OR1I1: variants seen among roughly 807,000 people sequenced by gnomAD.
OR1I1 encodes the protein olfactory receptor family 1 subfamily I member 1.
For missense variants in OR1I1, 451 were observed against 443.6 expected (o/e 1.02, Z -0.15); for synonymous variants, 171 against 181.4 (o/e 0.94, Z 0.46).
rs1469750793 is a variant in OR1I1 at position 15,089,259 on chromosome 19, C to G, written c.*1126C>G. On this transcript the variant is annotated 3_prime_UTR_variant, in exon 2 of 2. Coordinates refer to ENST00000641398, the MANE Select transcript of OR1I1 (RefSeq NM_001004713.2). ...TTGAGACCTCCACTTGTAACTATGACTGTGGTTGGGGCTTACTTTCTCAAT... is the reference window on the plus strand; with the variant it reads ...TTGAGACCTCCACTTGTAACTATGAGTGTGGTTGGGGCTTACTTTCTCAAT... The G allele has an allele frequency of 6.6e-6, 1 of 152,132 alleles. No homozygotes were observed. Among genetic ancestry groups the G allele is most frequent in the Non-Finnish European group, 1.5e-5 (1 of 68,046 alleles). The allele number at this position is 152,132 out of a possible 1,614,324, so 9.4% of individuals were successfully genotyped here.
chr19:15,082,967 G>A (rs2046215227), intron 1 of OR1I1, among the ~76,000 whole-genome samples: 1 of 152,112 alleles, frequency 6.6e-6, no homozygotes, highest in East Asian at 1.9e-4. Flanking sequence ...ATACCACCAT[G>A]CCTGGCTAAT....
intron 1 of OR1I1, among the ~76,000 whole-genome samples, chr19:15,085,573 C>G (rs576753164): frequency 6.6e-6 from 1 of 152,184 alleles, no homozygotes; most frequent in Admixed American, 6.6e-5. Context: ...CTGAGTTTCT[C>G]TGGTATACAA....
chr19:15,087,298 T>A lies in OR1I1; in HGVS notation c.233T>A (p.Val78Asp), dbSNP rs2046233977. The A allele has an allele frequency of 6.2e-7, 1 of 1,613,956 alleles. No homozygotes were observed. Among genetic ancestry groups the A allele is most frequent in the African/African-American group, 1.3e-5 (1 of 74,872 alleles). The change falls in exon 2 of 2, where the codon GTC becomes GAC. Residue 78 changes from valine (V) to aspartate (D), a missense_variant. Physicochemically the swap from Val to Asp is radical, Grantham distance 152. Transcript: ENST00000641398. ...GACACCCTATTATCCTCCACCACCGTCCCCAAGATGCTAGCGAACATCCAG... is the reference window on the plus strand; with the variant it reads ...GACACCCTATTATCCTCCACCACCGACCCCAAGATGCTAGCGAACATCCAG... ...LVDTLLSSTT[V>D]PKMLANIQAQ...
At position 15,088,022 on chromosome 19, in the gene OR1I1, G is replaced by A; in HGVS notation, c.957G>A (p.Leu319=). 1 of 1,613,666 alleles carries A rather than the reference G, an allele frequency of 6.2e-7. No individual in the cohort carries two copies. Among genetic ancestry groups the A allele is most frequent in the Non-Finnish European group, 8.5e-7 (1 of 1,179,688 alleles). The change falls in exon 2 of 2, where the codon TTG becomes TTA. Residue 319 remains leucine, a synonymous_variant. Transcript: ENST00000641398. ...AVPCPRPEQL[L]DVYHVPGSLL... ...CCTGTCCTAGGCCAGAACAGTTATTGGATGTTTATCATGTTCCAGGATCAC... is the reference window on the plus strand; with the variant it reads ...CCTGTCCTAGGCCAGAACAGTTATTAGATGTTTATCATGTTCCAGGATCAC...
intron 1 of OR1I1, 96 bp downstream of exon 1, chr19:15,082,372 G>T (rs1162510792): frequency 6.6e-6 from 1 of 152,342 alleles, no homozygotes; most frequent in Non-Finnish European, 1.5e-5. Flanking sequence ...CCCTCCCCTT[G>T]GTGATGCCAT....
intron 1 of OR1I1, among the ~76,000 whole-genome samples, chr19:15,082,955 A>G (rs1202232957): frequency 6.6e-6 from 1 of 151,996 alleles, no homozygotes; most frequent in African/African-American, 2.4e-5. Context: ...GATAACAGAC[A>G]TATACCACCA....
rs1359974212 is a variant in OR1I1 at position 15,088,918 on chromosome 19, T to TTGA, written c.*787_*789dup. 1.4e-5 allele frequency: 2 copies of TTGA among 145,688 alleles called. No homozygotes were observed. The highest frequency in any genetic ancestry group is 3.0e-5 in the Non-Finnish European group (2 of 66,142). The allele number at this position is 145,688 out of a possible 1,614,324, so 9.0% of individuals were successfully genotyped here. A position where few individuals can be genotyped will look rare whatever the true frequency, so the allele number is the denominator to read the frequency against. On this transcript the variant is annotated 3_prime_UTR_variant, in exon 2 of 2. Coordinates refer to ENST00000641398, the MANE Select transcript of OR1I1 (RefSeq NM_001004713.2). ...TATCTATTGACAGACAGATAGATGA[T>TTGA]TGATTGATAGATAGATCATATAAGT... is the stretch of plus-strand genomic sequence containing the variant.
chr19:15,092,841 A>AT lies in OR1I1; in HGVS notation c.*4714dup, dbSNP rs1568323947. On this transcript the variant is annotated 3_prime_UTR_variant, in exon 2 of 2. Transcript: ENST00000641398. ...TGAGACCTCCCCCATCTCTACAAAA[A>AT]TTTTTTAATTAGCTGGGCATGGTGG... The AT allele has an allele frequency of 6.6e-6, 1 of 151,916 alleles. No homozygotes were observed. Among genetic ancestry groups the AT allele is most frequent in the Non-Finnish European group, 1.5e-5 (1 of 68,004 alleles). 9.4% of individuals were successfully genotyped at this position (151,916 alleles called of 1,614,324 possible). A position where few individuals can be genotyped will look rare whatever the true frequency, so the allele number is the denominator to read the frequency against.
intron 1 of OR1I1, among the ~76,000 whole-genome samples, chr19:15,085,281 C>G (rs1260866482): frequency 6.6e-6 from 1 of 150,732 alleles, no homozygotes; most frequent in Non-Finnish European, 1.5e-5. Context: ...AGCGATTCTC[C>G]TGCCTCAGCC....
rs1295680555 is a variant in OR1I1, at chr19:15,087,180, A to T, written c.115A>T (p.Ile39Phe). 3.1e-6 allele frequency: 5 copies of T among 1,613,942 alleles called. No homozygotes were observed. In the Admixed American group the frequency reaches 5.0e-5, roughly 16 times the overall value. ...GTTCCTCTCCACATACCTGGTCACC[A>T]TCATTGGAAATGCCCTCATTATCCT... ...TMFLSTYLVT[I>F]IGNALIILAI... Residue 39 changes from isoleucine to phenylalanine, a missense_variant, in exon 2 of 2, where the codon ATC becomes TTC. Ile to Phe is a conservative substitution (Grantham distance 21). Transcript: ENST00000641398.
Position 15,088,566 on chromosome 19 carries a change from A to G in OR1I1, c.*433A>G. On this transcript the variant is annotated 3_prime_UTR_variant, in exon 2 of 2. Coordinates refer to ENST00000641398, the MANE Select transcript of OR1I1 (RefSeq NM_001004713.2). ...AGCTAATCAGGAGGCTGAGGCAGGCAGATCATTTGAGCCCAGGAGTTCAAG... is the reference window on the plus strand; with the variant it reads ...AGCTAATCAGGAGGCTGAGGCAGGCGGATCATTTGAGCCCAGGAGTTCAAG... 5.5e-6 allele frequency: 1 copy of G among 182,022 alleles called. No individual in the cohort carries two copies. The highest frequency in any genetic ancestry group is 1.1e-5 in the Non-Finnish European group (1 of 87,468). 11.3% of individuals were successfully genotyped at this position (182,022 alleles called of 1,614,324 possible).
At chr19:15,083,473 C>A (rs1345753026) in intron 1 of OR1I1, among the ~76,000 whole-genome samples, 1 of 152,180 alleles carries the variant, frequency 6.6e-6, no homozygotes, top group Non-Finnish European at 1.5e-5. Flanking sequence ...CTATGCAACC[C>A]AAGTCAACAA....
rs1599311458 is a variant in OR1I1, at chr19:15,088,278, C to T, written c.*145C>T. 7.2e-6 allele frequency: 7 copies of T among 966,854 alleles called. No homozygotes were observed. The highest frequency in any genetic ancestry group is 1.0e-5 in the Non-Finnish European group (7 of 674,528). 59.9% of individuals were successfully genotyped at this position (966,854 alleles called of 1,614,324 possible). A position where few individuals can be genotyped will look rare whatever the true frequency, so the allele number is the denominator to read the frequency against. ...AGGATCAAACTGGCCTGAAATTAGCCCTCCTGGAGGATCAGCCTTTTAGGA... is the reference window on the plus strand; with the variant it reads ...AGGATCAAACTGGCCTGAAATTAGCTCTCCTGGAGGATCAGCCTTTTAGGA... On this transcript the variant is annotated 3_prime_UTR_variant, in exon 2 of 2. Coordinates refer to ENST00000641398, the MANE Select transcript of OR1I1 (RefSeq NM_001004713.2).
In OR1I1 at chr19:15,087,227, C is replaced by T. The variant is rs1435331961; in HGVS notation, c.162C>T (p.His54=). 1 of 1,614,122 alleles carries T rather than the reference C, an allele frequency of 6.2e-7. No homozygotes were observed. Among genetic ancestry groups the T allele is most frequent in the Non-Finnish European group, 8.5e-7 (1 of 1,180,012 alleles). ...LIILAIITDS[H]LHTPMYFFLF... ...TCCTGGCCATCATCACGGACTCTCA[C>T]CTCCACACACCCATGTACTTCTTTC... The change falls in exon 2 of 2, where the codon CAC becomes CAT. Residue 54 remains histidine (H), a synonymous_variant. Transcript: ENST00000641398.
chr19:15,086,263 G>A (rs1288239228), intron 1 of OR1I1, among the ~76,000 whole-genome samples: 1 of 152,014 alleles, frequency 6.6e-6, no homozygotes, highest in Non-Finnish European at 1.5e-5. Flanking sequence ...GTAGTGAGCT[G>A]AGATCGTGCC....
In OR1I1 at chr19:15,092,528, T is replaced by C. The variant is rs1278240729; in HGVS notation, c.*4395T>C. The C allele has an allele frequency of 6.6e-6, 1 of 152,176 alleles. No individual in the cohort carries two copies. Among genetic ancestry groups the C allele is most frequent in the Non-Finnish European group, 1.5e-5 (1 of 68,038 alleles). 9.4% of individuals were successfully genotyped at this position (152,176 alleles called of 1,614,324 possible). A position where few individuals can be genotyped will look rare whatever the true frequency, so the allele number is the denominator to read the frequency against. ...AGGGACCTTACCATCTCCGTTGCAATGACTGAACTCTGCTGCTGTCTGGCG... is the reference window on the plus strand; with the variant it reads ...AGGGACCTTACCATCTCCGTTGCAACGACTGAACTCTGCTGCTGTCTGGCG... On this transcript the variant is annotated 3_prime_UTR_variant, in exon 2 of 2. Transcript: ENST00000641398.
In OR1I1 at chr19:15,092,323, C is replaced by T. The variant is rs868268195; in HGVS notation, c.*4190C>T. The T allele has an allele frequency of 1.3e-5, 2 of 151,996 alleles. No individual in the cohort carries two copies. The highest frequency in any genetic ancestry group is 1.3e-4 in the Admixed American group (2 of 15,238). 9.4% of individuals were successfully genotyped at this position (151,996 alleles called of 1,614,324 possible). A position where few individuals can be genotyped will look rare whatever the true frequency, so the allele number is the denominator to read the frequency against. On this transcript the variant is annotated 3_prime_UTR_variant, in exon 2 of 2. Coordinates refer to ENST00000641398, the MANE Select transcript of OR1I1 (RefSeq NM_001004713.2). ...AGGGAAGCTGGGTTTGCAGGGGGCC[C>T]GTGGAGGGCACTGGGAGTAACACGG...
At chr19:15,086,965 A>G in intron 1 of OR1I1, 88 bp from the exon 2 acceptor site, 1 of 1,478,480 alleles carries the variant, frequency 6.8e-7, no homozygotes, top group East Asian at 2.3e-5. Context: ...TTCACAGAAC[A>G]GTATAGGTTT....
In OR1I1 at chr19:15,087,162, T is replaced by G. The variant is rs933369852; in HGVS notation, c.97T>G (p.Ser33Ala). The change falls in exon 2 of 2, where the codon TCC (serine) becomes GCC (alanine). Residue 33 changes from serine to alanine, a missense_variant. Transcript: ENST00000641398. ...HQTLLFTMFL[S>A]TYLVTIIGNA... ...GACCCTCCTCTTCACAATGTTCCTC[T>G]CCACATACCTGGTCACCATCATTGG... 2 of 1,613,968 alleles carry G rather than the reference T, an allele frequency of 1.2e-6. No individual in the cohort carries two copies. Among genetic ancestry groups the G allele is most frequent in the African/African-American group, 2.7e-5 (2 of 74,892 alleles).
Sources: allele counts gnomAD v4.1 joint callset (sites outside exome capture counted in the v4.1 genomes callset), GRCh38; gene constraint gnomAD v4.1.1; transcripts MANE v1.5; gene names NCBI Gene and HGNC (gene_info 2026-07-23, HGNC 2026-07-21).